SNX19: variants seen among roughly 807,000 people sequenced by gnomAD.
The protein encoded by SNX19 is sorting nexin 19.
In SNX19, 60 loss-of-function variants were observed where a neutral mutation model predicts 85.2. The ratio of observed to expected loss-of-function variants is 0.70; its 90% CI spans 0.57 to 0.87. SNX19 has a LOEUF of 0.87. Ranked by LOEUF, SNX19 falls within the 40% of genes least tolerant of loss-of-function variation. SNX19 has a pLI of 0.00. For synonymous variants in SNX19, 520 were observed against 470.0 expected (o/e 1.11, Z -1.38); for missense variants, 1,201 against 1,217.8 (o/e 0.99, Z 0.21).
At position 130,914,730 on chromosome 11, in the gene SNX19, C is replaced by T; in HGVS notation, c.1210G>A (p.Ala404Thr). The part of the protein sequence containing the change: ...LSDRIQDALC[A>T]LESSQALEPK... Reference sequence around the variant, plus strand: ...TCCAGAGCCTGGGAACTCTCTAGGGCACACAGGGCATCCTGAATCCTGTCA... The same window carrying T: ...TCCAGAGCCTGGGAACTCTCTAGGGTACACAGGGCATCCTGAATCCTGTCA... The change falls in exon 1 of 11, where the codon GCC becomes ACC. Residue 404 changes from alanine to threonine, a missense_variant. Ala to Thr is a moderately conservative substitution (Grantham distance 58). Coordinates refer to ENST00000265909, the MANE Select transcript of SNX19 (RefSeq NM_014758.3). 1.2e-6 allele frequency: 2 copies of T among 1,614,104 alleles called. No individual in the cohort carries two copies. Among genetic ancestry groups the T allele is most frequent in the Non-Finnish European group, 1.7e-6 (2 of 1,180,004 alleles).
rs758318605 is a variant in SNX19, at chr11:130,878,453, C to T, written c.2948G>A (p.Gly983Asp). ...AATTSASDTP[G>D]NSKRMGVSS ...GGAGACACCCATCCTCTTAGAGTTG[C>T]CTGGGGTATCTGAGGCAGAGGTGGT... is the stretch of plus-strand genomic sequence containing the variant. The change falls in exon 11 of 11, where the codon GGC becomes GAC. Residue 983 changes from glycine (G) to aspartate (D), a missense_variant. Transcript: ENST00000265909. The T allele has an allele frequency of 6.8e-6, 11 of 1,613,660 alleles. No homozygotes were observed. The highest frequency in any genetic ancestry group is 5.5e-5 in the South Asian group (5 of 91,054).
At chr11:130,911,403 T>C in intron 2 of SNX19, 2 of 1,283,996 alleles carry the variant, frequency 1.6e-6, no homozygotes, top group Non-Finnish European at 2.0e-6. Flanking sequence ...TTTTTAATCT[T>C]AAACTAGATG....
intron 8 of SNX19, among the ~76,000 whole-genome samples, chr11:130,890,313 T>C (rs1256141444): frequency 1.3e-5 from 2 of 152,210 alleles, no homozygotes; most frequent in Non-Finnish European, 2.9e-5. Flanking sequence ...CTCAGCTGAA[T>C]GCCTCATCAC....
At chr11:130,895,226 G>A (rs895039748) in intron 8 of SNX19, 12 of 985,314 alleles carry the variant, frequency 1.2e-5, no homozygotes, top group East Asian at 1.1e-4. Context: ...TGCTTAGGCC[G>A]TACCATGGCT....
chr11:130,888,017 G>T (rs1269187873), intron 8 of SNX19, among the ~76,000 whole-genome samples: 1 of 151,574 alleles, frequency 6.6e-6, no homozygotes, highest in East Asian at 1.9e-4. Context: ...GATTGTGTTA[G>T]CTTTTTGGCA....
intron 8 of SNX19, 153 bp from the exon 9 acceptor site, chr11:130,880,959 G>C (rs1374878810): frequency 5.6e-6 from 3 of 535,936 alleles, no homozygotes; most frequent in East Asian, 2.9e-5. Flanking sequence ...TTGGGGAGGT[G>C]ATTAGGTCAT....
At chr11:130,905,651 C>T (rs1485195329) in intron 7 of SNX19, 1 of 1,486,898 alleles carries the variant, frequency 6.7e-7, no homozygotes, top group East Asian at 2.5e-5. Flanking sequence ...ATGCAAGAGT[C>T]TGATATGCCA....
Position 130,874,019 on chromosome 11 carries a change from G to GT in SNX19, c.*4402dup, listed in dbSNP as rs1209099306. 2.7e-4 allele frequency among the ~76,000 whole-genome samples: 33 copies of GT among 122,124 alleles called. No homozygotes were observed. The East Asian group carries it at 5.7e-3, about 21-fold the overall frequency. 80.1% of individuals were successfully genotyped at this position (122,124 alleles called of 152,430 possible). A position where few individuals can be genotyped will look rare whatever the true frequency, so the allele number is the denominator to read the frequency against. On this transcript the variant is annotated 3_prime_UTR_variant, in exon 11 of 11. Coordinates refer to ENST00000265909, the MANE Select transcript of SNX19 (RefSeq NM_014758.3). Reference sequence around the variant, plus strand: ...GGTTCTAGCCAATGAGTCATAAGAGGTTTTTTGTTTTTTTTTTTTTTATTT... The same window carrying GT: ...GGTTCTAGCCAATGAGTCATAAGAGGTTTTTTTGTTTTTTTTTTTTTTATTT...
intron 1 of SNX19, among the ~76,000 whole-genome samples, chr11:130,913,594 G>A (rs1946312095): frequency 6.8e-6 from 1 of 147,176 alleles, no homozygotes; most frequent in Non-Finnish European, 1.5e-5. Context: ...AAATTCAAGT[G>A]TGGAAGGCAA....
At chr11:130,891,019 C>G (rs139687252) in intron 8 of SNX19, among the ~76,000 whole-genome samples, 13 of 151,694 alleles carry the variant, frequency 8.6e-5, no homozygotes, top group Admixed American at 3.3e-4. Flanking sequence ...GCATGGCACA[C>G]AGTTCAAAAT....
In SNX19 at chr11:130,916,131, TA is replaced by T; in HGVS notation, c.-193del. The T allele has an allele frequency of 1.7e-6, 1 of 598,090 alleles. No homozygotes were observed. Among genetic ancestry groups the T allele is most frequent in the Non-Finnish European group, 3.0e-6 (1 of 338,072 alleles). The allele number at this position is 598,090 out of a possible 1,614,324, so 37.0% of individuals were successfully genotyped here. On this transcript the variant is annotated 5_prime_UTR_variant, in exon 1 of 11. Coordinates refer to ENST00000265909, the MANE Select transcript of SNX19 (RefSeq NM_014758.3). ...CTGCAGCTCCGCGTCTCCCCATGGC[TA>T]CCACTAACAGAGCCCTCCAACTCGC...
In SNX19 at chr11:130,906,117, GAT is replaced by G. The variant is rs1945651732; in HGVS notation, c.2277_2278del (p.Ser760HisfsTer9). ...AATAAAAGATTCCATCGCAGACATG[GAT>G]AGAGTCTCAGACTCCTAAGAAATAG... On this transcript the variant is annotated frameshift_variant, in exon 7 of 11. Transcript: ENST00000265909. LOFTEE classifies it high-confidence loss of function. 1.2e-6 allele frequency: 2 copies of G among 1,613,780 alleles called. No homozygotes were observed. The highest frequency in any genetic ancestry group is 1.7e-6 in the Non-Finnish European group (2 of 1,179,916).
At chr11:130,909,361 C>A (rs557308318) in intron 4 of SNX19, among the ~76,000 whole-genome samples, 1 of 152,318 alleles carries the variant, frequency 6.6e-6, no homozygotes, top group South Asian at 2.1e-4. Context: ...AAGAGGGAGG[C>A]TACTCTTCCG....
intron 8 of SNX19, chr11:130,895,074 C>A: frequency 2.0e-6 from 2 of 985,378 alleles, no homozygotes; most frequent in Non-Finnish European, 2.4e-6. Context: ...GGAGAAAGTA[C>A]AACAGCAGGA....
chr11:130,914,955 C>T lies in SNX19; in HGVS notation c.985G>A (p.Val329Ile). Residue 329 changes from valine (V) to isoleucine (I), a missense_variant, in exon 1 of 11, where the codon GTT (valine) becomes ATT (isoleucine). Coordinates refer to ENST00000265909, the MANE Select transcript of SNX19 (RefSeq NM_014758.3). ...TCTACAGCTTCGTGGCCTTCTTCAA[C>T]CTCTGGAGAGGGGCCTGCAGAACCC... ...PEGSAGPSPE[V>I]EEGHEAVEGD... is the part of the protein sequence containing the mutation. The T allele has an allele frequency of 1.2e-6, 2 of 1,614,206 alleles. No homozygotes were observed. Among genetic ancestry groups the T allele is most frequent in the Non-Finnish European group, 1.7e-6 (2 of 1,180,020 alleles).
rs1256258704 is a variant in SNX19 at position 130,871,862 on chromosome 11, C to T, written c.*6560G>A. Among the ~76,000 whole-genome samples, 1 of 152,218 alleles carries T rather than the reference C, an allele frequency of 6.6e-6. No homozygotes were observed. The highest frequency in any genetic ancestry group is 1.5e-5 in the Non-Finnish European group (1 of 68,032). ...CATACATTATTCACAAACTTACCTT[C>T]TTAATCACTACAACACTTTAATATT... is the stretch of plus-strand genomic sequence containing the variant. On this transcript the variant is annotated 3_prime_UTR_variant, in exon 11 of 11. Transcript: ENST00000265909.
intron 8 of SNX19, among the ~76,000 whole-genome samples, chr11:130,895,362 T>C (rs758690969): frequency 4.6e-5 from 7 of 152,184 alleles, no homozygotes; most frequent in Non-Finnish European, 1.0e-4. Context: ...AGATTCTTAA[T>C]AGTGATAAGC....
intron 2 of SNX19, chr11:130,911,357 C>A: frequency 2.1e-6 from 2 of 932,500 alleles, no homozygotes; most frequent in Non-Finnish European, 2.7e-6. Context: ...CTCCTCACAC[C>A]AACTTACAGG....
rs947800849 is a variant in SNX19, at chr11:130,903,137, C to T, written c.2573+118G>A. The T allele has an allele frequency of 1.4e-5, 20 of 1,442,050 alleles. No homozygotes were observed. In the African/African-American group the frequency reaches 2.7e-4, roughly 19 times the overall value. 89.3% of individuals were successfully genotyped at this position (1,442,050 alleles called of 1,614,324 possible). A position where few individuals can be genotyped will look rare whatever the true frequency, so the allele number is the denominator to read the frequency against. ...AAGGCATTTTTCATCCCTGTAACCC[C>T]TGTAACAGAGAATCTATCTTCTCTT... On this transcript the variant is annotated intron_variant, in intron 8 of 10. Transcript: ENST00000265909.
Sources: gnomAD v4.1 joint callset for allele counts (sites outside exome capture counted in the v4.1 genomes callset) on GRCh38, gnomAD v4.1.1 for gene constraint, MANE v1.5 for transcripts, NCBI Gene and HGNC (gene_info 2026-07-23, HGNC 2026-07-21) for gene names.